The following KCNK10 variants were observed in gnomAD, a reference collection of about 807,000 sequenced individuals.
KCNK10 encodes potassium channel subfamily K member 10.
In KCNK10, 25 loss-of-function variants were observed where a neutral mutation model predicts 47.7. That is an observed-to-expected ratio of 0.52 (90% confidence interval 0.38 to 0.73). KCNK10 has a LOEUF of 0.73. Ranked by LOEUF, KCNK10 falls within the 30% of genes least tolerant of loss-of-function variation. The pLI is 0.00. For missense variants in KCNK10, 563 were observed against 714.5 expected, an observed-to-expected ratio of 0.79 and a Z score of 2.42; for synonymous variants, 303 against 285.6, an observed-to-expected ratio of 1.06 and a Z score of -0.61.
rs529464933 is a variant in KCNK10 at position 88,303,084 on chromosome 14, A to C, written c.52+19663T>G. 2.6e-5 allele frequency among the ~76,000 whole-genome samples: 4 copies of C among 152,292 alleles called. No individual in the cohort carries two copies. In the South Asian group the frequency reaches 8.3e-4, roughly 32 times the overall value. ...GGGCAAAAAAAACATCCTCCATGAT[A>C]AAAAGAAAAACACAGAGGCTACTTC... On this transcript the variant is annotated intron_variant, in intron 1 of 6. Coordinates refer to ENST00000319231, the MANE Select transcript of KCNK10 (RefSeq NM_138317.3).
chr14:88,213,257 A>C (rs1008349867), intron 4 of KCNK10, among the ~76,000 whole-genome samples: 2 of 152,180 alleles, frequency 1.3e-5, no homozygotes, highest in African/African-American at 4.8e-5. Flanking sequence ...TGCTTGGCTC[A>C]CAGAAGTAAC....
At chr14:88,325,459 G>T (rs1257112876), upstream of KCNK10, among the ~76,000 whole-genome samples, 1 of 152,102 alleles carries the variant, frequency 6.6e-6, no homozygotes, top group African/African-American at 2.4e-5. Flanking sequence ...GCTGTAACTG[G>T]CCTCCTTTTA....
intron 2 of KCNK10, 96 bp from the exon 3 acceptor site, chr14:88,240,916 A>G: frequency 2.7e-6 from 2 of 733,224 alleles, no homozygotes; most frequent in Non-Finnish European, 4.5e-6. Context: ...TTATTCCCCT[A>G]CTCAAGAACC....
intron 1 of KCNK10, among the ~76,000 whole-genome samples, chr14:88,270,190 G>A (rs1312290645): frequency 2.6e-5 from 4 of 152,184 alleles, no homozygotes; most frequent in African/African-American, 7.2e-5. Flanking sequence ...AGAGTCCCAG[G>A]TTACAGCTCA....
In KCNK10 at chr14:88,185,372, G is replaced by T; in HGVS notation, c.*163C>A. Reference sequence around the variant, plus strand: ...AGTTCTTGTTCTCTGATTCCTTTTGGCAGAGCAAGCTTTCAGTTGTTTATG... The same window carrying T: ...AGTTCTTGTTCTCTGATTCCTTTTGTCAGAGCAAGCTTTCAGTTGTTTATG... On this transcript the variant is annotated 3_prime_UTR_variant, in exon 7 of 7. Coordinates refer to ENST00000319231, the MANE Select transcript of KCNK10 (RefSeq NM_138317.3). This position sits in a 1 kb window ranked among gnomAD's most constrained non-coding sequence, Gnocchi z 4.3. 9.9e-7 allele frequency: 1 copy of T among 1,014,102 alleles called. No individual in the cohort carries two copies. The highest frequency in any genetic ancestry group is 1.4e-6 in the Non-Finnish European group (1 of 716,000). The allele number at this position is 1,014,102 out of a possible 1,614,324, so 62.8% of individuals were successfully genotyped here. A position where few individuals can be genotyped will look rare whatever the true frequency, so the allele number is the denominator to read the frequency against.
At chr14:88,291,079 C>T (rs1887866008) in intron 1 of KCNK10, among the ~76,000 whole-genome samples, 1 of 152,220 alleles carries the variant, frequency 6.6e-6, no homozygotes, top group African/African-American at 2.4e-5. Flanking sequence ...CAAACTATTG[C>T]TTTCACCAGC....
intron 1 of KCNK10, among the ~76,000 whole-genome samples, chr14:88,275,243 G>T (rs1887502364): frequency 6.6e-6 from 1 of 152,062 alleles, no homozygotes; most frequent in Non-Finnish European, 1.5e-5. Context: ...TGAGACCCCA[G>T]CCCTCTGGCT....
At chr14:88,301,215 G>T (rs1275039746) in intron 1 of KCNK10, among the ~76,000 whole-genome samples, 1 of 152,064 alleles carries the variant, frequency 6.6e-6, no homozygotes, top group Non-Finnish European at 1.5e-5. Flanking sequence ...CAAAATGCCT[G>T]GCACTCTTCC....
chr14:88,291,706 C>A (rs1208423031), intron 1 of KCNK10, among the ~76,000 whole-genome samples: 2 of 152,080 alleles, frequency 1.3e-5, no homozygotes, highest in Non-Finnish European at 2.9e-5. Context: ...TGAATGATGC[C>A]CTCTGGAGGT....
chr14:88,213,921 TTTATTA>T lies in KCNK10; in HGVS notation c.681+13448_681+13453del, dbSNP rs35954048. ...AAACTCTATGCTCTTTTTATTTTAC[TTTATTA>T]TTATTATTATTATTATTATTATTAT... On this transcript the variant is annotated intron_variant, in intron 4 of 6. Transcript: ENST00000319231. Among the ~76,000 whole-genome samples the T allele has an allele frequency of 3.4e-3, 433 of 126,410 alleles. 4 individuals carry two copies. The highest frequency in any genetic ancestry group is 0.013 in the East Asian group (62 of 4,814). 82.9% of individuals were successfully genotyped at this position (126,410 alleles called of 152,430 possible).
intron 4 of KCNK10, among the ~76,000 whole-genome samples, chr14:88,210,732 A>G (rs970625001): frequency 2.0e-5 from 3 of 152,088 alleles, no homozygotes; most frequent in Non-Finnish European, 4.4e-5. Context: ...CTTAGTCCCC[A>G]GAGTGATAGA....
chr14:88,245,471 C>A (rs534092052), intron 2 of KCNK10, among the ~76,000 whole-genome samples: 1 of 152,154 alleles, frequency 6.6e-6, no homozygotes, highest in Non-Finnish European at 1.5e-5. Context: ...GGACCCCCCA[C>A]CACGTTTTCC....
intron 1 of KCNK10, among the ~76,000 whole-genome samples, chr14:88,317,144 G>A (rs1888443796): frequency 6.6e-6 from 1 of 152,176 alleles, no homozygotes; most frequent in Non-Finnish European, 1.5e-5. Flanking sequence ...TGGTACTTTT[G>A]AGGATAATTG....
At chr14:88,205,494 C>T (rs1182996138) in intron 4 of KCNK10, among the ~76,000 whole-genome samples, 1 of 151,582 alleles carries the variant, frequency 6.6e-6, no homozygotes, top group African/African-American at 2.4e-5. Context: ...TCCTTCATCT[C>T]AATGTTCTAA....
chr14:88,314,113 G>T (rs1396065992), intron 1 of KCNK10, among the ~76,000 whole-genome samples: 1 of 152,212 alleles, frequency 6.6e-6, no homozygotes, highest in African/African-American at 2.4e-5. Flanking sequence ...ACTTGGCCAA[G>T]TTCACACAGT....
rs118027662 is a variant in KCNK10, at chr14:88,228,383, C to T, written c.521-848G>A. On this transcript the variant is annotated intron_variant, in intron 3 of 6. Coordinates refer to ENST00000319231, the MANE Select transcript of KCNK10 (RefSeq NM_138317.3). ...TATGTACAATGAGTACTGGGCTTAC[C>T]CTATATGGATGAGGCTAAAGAAAGT... Among the ~76,000 whole-genome samples, 1,426 of 152,102 alleles carry T rather than the reference C, an allele frequency of 9.4e-3. 9 individuals are homozygous for T. Among genetic ancestry groups the T allele is most frequent in the Non-Finnish European group, 0.015 (996 of 67,990 alleles).
chr14:88,279,024 A>G (rs1360251466), intron 1 of KCNK10, among the ~76,000 whole-genome samples: 1 of 152,176 alleles, frequency 6.6e-6, no homozygotes, highest in African/African-American at 2.4e-5. Flanking sequence ...CAAAAGTGCC[A>G]CGCCACTGAA....
intron 1 of KCNK10, among the ~76,000 whole-genome samples, chr14:88,266,430 G>T (rs898328419): frequency 8.5e-5 from 13 of 152,140 alleles, no homozygotes; most frequent in Non-Finnish European, 1.6e-4. Context: ...CCTCCTCTAT[G>T]AAGTCGTCCT....
intron 2 of KCNK10, among the ~76,000 whole-genome samples, chr14:88,250,842 T>C (rs1566702396): frequency 6.6e-6 from 1 of 151,870 alleles, no homozygotes; most frequent in African/African-American, 2.4e-5. Flanking sequence ...GAAGTACTAT[T>C]GACAACCAGA....
Sources: gnomAD v4.1 joint callset for allele counts (sites outside exome capture counted in the v4.1 genomes callset) on GRCh38, gnomAD v4.1.1 for gene constraint, Gnocchi (gnomAD v3.1) non-coding constraint, MANE v1.5 for transcripts, NCBI Gene and HGNC (gene_info 2026-07-23, HGNC 2026-07-21) for gene names.